Variants in LCLAT1 observed in about 807,000 individuals in gnomAD.
The protein encoded by LCLAT1 is lysocardiolipin acyltransferase 1, also known as 1-AGP acyltransferase 8.
In LCLAT1, 11 loss-of-function variants were observed where a neutral mutation model predicts 30.7. The ratio of observed to expected loss-of-function variants is 0.36; its 90% CI spans 0.23 to 0.59. LCLAT1 has a LOEUF of 0.59. Ranked by LOEUF, LCLAT1 falls within the 20% of genes least tolerant of loss-of-function variation. The pLI, the probability that LCLAT1 is intolerant of heterozygous loss-of-function variation, is 0.77. For missense variants in LCLAT1, 402 were observed against 458.6 expected, an observed-to-expected ratio of 0.88 and a Z score of 1.13; for synonymous variants, 155 against 151.3, an observed-to-expected ratio of 1.02 and a Z score of -0.18.
chr2:30,448,515 G>C (rs1681381706), intron 1 of LCLAT1, among the ~76,000 whole-genome samples: 1 of 152,194 alleles, frequency 6.6e-6, no homozygotes, highest in Non-Finnish European at 1.5e-5. Flanking sequence ...ACCTTGTTCT[G>C]TAACTGAGAA....
intron 1 of LCLAT1, among the ~76,000 whole-genome samples, chr2:30,497,297 T>G (rs563194130): frequency 6.6e-6 from 1 of 152,314 alleles, no homozygotes; most frequent in East Asian, 1.9e-4. Flanking sequence ...GAATGTTGCT[T>G]TTGTAATTAT....
At chr2:30,476,348 G>A in intron 1 of LCLAT1, 1 of 456,356 alleles carries the variant, frequency 2.2e-6, no homozygotes, top group South Asian at 1.5e-5. Context: ...TAAAATAATA[G>A]TGGGTAGGAG....
intron 3 of LCLAT1, among the ~76,000 whole-genome samples, chr2:30,537,218 A>G (rs1479296127): frequency 6.6e-6 from 1 of 152,116 alleles, no homozygotes; most frequent in Non-Finnish European, 1.5e-5. Context: ...CGTCTCTACT[A>G]AAAATACAAA....
intron 1 of LCLAT1, among the ~76,000 whole-genome samples, chr2:30,498,510 A>C (rs555407305): frequency 3.9e-5 from 6 of 152,212 alleles, no homozygotes; most frequent in Non-Finnish European, 7.3e-5. Context: ...TTTCCATTGA[A>C]GGACATGGGC....
At chr2:30,599,585 A>G (rs951233884) in intron 5 of LCLAT1, among the ~76,000 whole-genome samples, 8 of 152,164 alleles carry the variant, frequency 5.3e-5, no homozygotes, top group Non-Finnish European at 1.2e-4. Context: ...CTGTGTTGAG[A>G]GTCCCTTTGT....
chr2:30,459,722 G>C (rs1682014531), intron 1 of LCLAT1: 1 of 1,607,184 alleles, frequency 6.2e-7, no homozygotes, highest in Non-Finnish European at 8.5e-7. Context: ...AAAAGCTTTG[G>C]GTAAGTCTTT....
In LCLAT1 at chr2:30,643,592, T is replaced by C. The variant is rs1669425934; in HGVS notation, c.*2973T>C. On this transcript the variant is annotated 3_prime_UTR_variant, in exon 6 of 6. Transcript: ENST00000379509. ...TCAACAGCACCATGTTAGAAATATA[T>C]TGGCAGCCAAGACTCTGAACTCTGC... 1 of 152,542 alleles carries C rather than the reference T, an allele frequency of 6.6e-6. No homozygotes were observed. Among genetic ancestry groups the C allele is most frequent in the African/African-American group, 2.4e-5 (1 of 41,408 alleles). The allele number at this position is 152,542 out of a possible 1,614,324, so 9.4% of individuals were successfully genotyped here.
rs115677843 is a variant in LCLAT1, at chr2:30,604,544, G to T, written c.629-35573G>T. On this transcript the variant is annotated intron_variant, in intron 5 of 5. Transcript: ENST00000379509. The stretch of plus-strand genomic sequence containing the variant: ...TAAATTTCATAGGACTTTCAGGTGT[G>T]TAAAATAAAATTATACTTTCGCTTT... Among the ~76,000 whole-genome samples the T allele has an allele frequency of 6.5e-3, 973 of 149,738 alleles. 16 individuals carry two copies. Among genetic ancestry groups the T allele is most frequent in the African/African-American group, 0.023 (924 of 40,800 alleles).
At chr2:30,568,696 A>G (rs1665628582) in intron 5 of LCLAT1, among the ~76,000 whole-genome samples, 1 of 150,314 alleles carries the variant, frequency 6.7e-6, no homozygotes, top group Non-Finnish European at 1.5e-5. Flanking sequence ...TTCAGTAGAG[A>G]GGGGGTTTCA....
At chr2:30,568,560 T>A (rs1572637234) in intron 5 of LCLAT1, among the ~76,000 whole-genome samples, 1 of 140,868 alleles carries the variant, frequency 7.1e-6, no homozygotes, top group African/African-American at 2.7e-5. Context: ...CAGGTTGGAG[T>A]GCAGTGGTGC....
At chr2:30,619,750 T>C (rs1043589554) in intron 5 of LCLAT1, among the ~76,000 whole-genome samples, 5 of 152,290 alleles carry the variant, frequency 3.3e-5, no homozygotes, top group South Asian at 2.1e-4. Context: ...TCAGGCAAAA[T>C]TGCAGTATTG....
chr2:30,467,063 ATATCTCCTAATGC>A (rs1282211878), intron 1 of LCLAT1, among the ~76,000 whole-genome samples: 37 of 152,138 alleles, frequency 2.4e-4, no homozygotes, highest in Non-Finnish European at 4.6e-4. Flanking sequence ...TACATTAGGT[ATATCTCCTAATGC>A]TATCCCTCCC....
intron 5 of LCLAT1, among the ~76,000 whole-genome samples, chr2:30,570,803 T>A (rs1665744933): frequency 6.6e-6 from 1 of 152,216 alleles, no homozygotes; most frequent in African/African-American, 2.4e-5. Flanking sequence ...GTGGTTGTGA[T>A]GCTGCCTGAG....
chr2:30,476,465 G>C, intron 1 of LCLAT1: 1 of 456,604 alleles, frequency 2.2e-6, no homozygotes, highest in African/African-American at 2.0e-5. Flanking sequence ...CACTGCATTC[G>C]ATTCTTACAG....
intron 4 of LCLAT1, among the ~76,000 whole-genome samples, chr2:30,564,053 A>C (rs1417022778): frequency 6.6e-6 from 1 of 152,228 alleles, no homozygotes; most frequent in Non-Finnish European, 1.5e-5. Context: ...ACTGAGGATA[A>C]TAATGGCTGC....
chr2:30,562,271 C>G lies in LCLAT1; in HGVS notation c.490C>G (p.Pro164Ala). 1.9e-6 allele frequency: 3 copies of G among 1,610,102 alleles called. No homozygotes were observed. The highest frequency in any genetic ancestry group is 2.5e-6 in the Non-Finnish European group (3 of 1,177,390). The change falls in exon 4 of 6, where the codon CCA becomes GCA. Residue 164 changes from proline to alanine, a missense_variant. By Grantham distance (27) the Pro-to-Ala change is conservative. Transcript: ENST00000379509. Reference protein sequence around the residue: ...IHEPLQLLIFPEGTDLTENSK... With the variant: ...IHEPLQLLIFAEGTDLTENSK... ...CGAACCACTTCAACTCCTCATATTC[C>G]CAGAAGGGACTGATCTCACAGGTAA...
intron 1 of LCLAT1, among the ~76,000 whole-genome samples, chr2:30,499,253 C>T (rs377664414): frequency 3.0e-4 from 45 of 152,236 alleles, no homozygotes; most frequent in African/African-American, 9.6e-4. Flanking sequence ...AGTCTCAGCC[C>T]GCTGCAAACC....
intron 1 of LCLAT1, among the ~76,000 whole-genome samples, chr2:30,478,738 C>T (rs571343480): frequency 6.6e-6 from 1 of 152,226 alleles, no homozygotes; most frequent in South Asian, 2.1e-4. Flanking sequence ...AAAAACCAAA[C>T]ATAGACACAC....
chr2:30,622,991 C>T (rs556981488), intron 5 of LCLAT1, among the ~76,000 whole-genome samples: 49 of 151,240 alleles, frequency 3.2e-4, no homozygotes, highest in Middle Eastern at 3.5e-3. Context: ...TTCAGAAGTT[C>T]GACTATTAAG....
Sources: gnomAD v4.1 joint callset for allele counts (sites outside exome capture counted in the v4.1 genomes callset) on GRCh38, gnomAD v4.1.1 for gene constraint, MANE v1.5 for transcripts, NCBI Gene and HGNC (gene_info 2026-07-23, HGNC 2026-07-21) for gene names.